ARHGAP12: variants seen among roughly 807,000 people sequenced by gnomAD.
The protein encoded by ARHGAP12 is rho GTPase-activating protein 12.
Under a neutral mutation model 108.6 loss-of-function variants are expected in ARHGAP12, and 64 were observed. That is an observed-to-expected ratio of 0.59 (90% CI 0.48 to 0.73). ARHGAP12 has a LOEUF of 0.73. Ranked by LOEUF, ARHGAP12 falls within the 30% of genes least tolerant of loss-of-function variation. ARHGAP12 has a pLI of 0.00. For synonymous variants in ARHGAP12, 312 were observed against 337.2 expected, an observed-to-expected ratio of 0.93 and a Z score of 0.82; for missense variants, 940 against 1,005.9, an observed-to-expected ratio of 0.93 and a Z score of 0.89.
intron 10 of ARHGAP12, among the ~76,000 whole-genome samples, chr10:31,829,490 TA>T (rs1019082854): frequency 6.6e-6 from 1 of 151,930 alleles, no homozygotes; most frequent in Non-Finnish European, 1.5e-5. Context: ...TTTACCACCA[TA>T]AAAAAAATTG....
chr10:31,903,566 C>T (rs922114314), intron 3 of ARHGAP12, among the ~76,000 whole-genome samples: 2 of 152,118 alleles, frequency 1.3e-5, no homozygotes, highest in East Asian at 3.9e-4. Context: ...TTGGACTTAA[C>T]ACAAAACCAT....
chr10:31,876,591 A>C (rs901317076), intron 3 of ARHGAP12, among the ~76,000 whole-genome samples: 7 of 151,628 alleles, frequency 4.6e-5, no homozygotes, highest in African/African-American at 1.7e-4. Context: ...TTTCTACTCC[A>C]CAACATCTTA....
At chr10:31,919,231 A>G (rs1391053878) in intron 1 of ARHGAP12, among the ~76,000 whole-genome samples, 1 of 152,214 alleles carries the variant, frequency 6.6e-6, no homozygotes, top group Non-Finnish European at 1.5e-5. Context: ...AAAGACAGCA[A>G]CAGGAAGTTA....
At chr10:31,913,650 C>A (rs2808077) in intron 1 of ARHGAP12, 29,244 of 136,136 alleles carry the variant, frequency 0.21, 3,309 homozygotes, top group East Asian at 0.41. Flanking sequence ...AAAAAAAACA[C>A]GAGTCATCAA....
chr10:31,889,448 GAAT>G (rs1564414132), intron 3 of ARHGAP12, among the ~76,000 whole-genome samples: 1 of 151,932 alleles, frequency 6.6e-6, no homozygotes, highest in African/African-American at 2.4e-5. Context: ...TTGCTATAAA[GAAT>G]AATACAAAGT....
chr10:31,883,500 T>C (rs1449250378), intron 3 of ARHGAP12, among the ~76,000 whole-genome samples: 1 of 152,176 alleles, frequency 6.6e-6, no homozygotes, highest in Non-Finnish European at 1.5e-5. Context: ...GAGGTATTTT[T>C]AAGCTTTCCA....
chr10:31,883,265 A>C (rs1838054326), intron 3 of ARHGAP12, among the ~76,000 whole-genome samples: 1 of 152,192 alleles, frequency 6.6e-6, no homozygotes, highest in African/African-American at 2.4e-5. Flanking sequence ...ATTGCACTCC[A>C]GCCTGGGCAA....
chr10:31,916,933 A>T (rs1382688627), intron 1 of ARHGAP12, among the ~76,000 whole-genome samples: 2 of 152,138 alleles, frequency 1.3e-5, no homozygotes, highest in African/African-American at 4.8e-5. Context: ...ATGTATCTTA[A>T]TTAGTGAGCT....
Position 31,908,480 on chromosome 10 carries a change from T to C in ARHGAP12, c.376A>G (p.Thr126Ala), listed in dbSNP as rs764083821. Residue 126 changes from threonine to alanine, a missense_variant, in exon 3 of 20, where the codon ACA (threonine) becomes GCA (alanine). Coordinates refer to ENST00000344936, the MANE Select transcript of ARHGAP12 (RefSeq NM_018287.7). ...FGKPSSSVQG[T>A]GLIRDANQNF... is the part of the protein sequence containing the mutation. ...TGATTGGCATCACGAATAAGACCTG[T>C]TCCTTGAACAGATGACGATGGCTTT... is the stretch of plus-strand genomic sequence containing the variant. 12 of 1,614,114 alleles carry C rather than the reference T, an allele frequency of 7.4e-6. No individual in the cohort carries two copies. Among genetic ancestry groups the C allele is most frequent in the Non-Finnish European group, 8.5e-6 (10 of 1,180,050 alleles).
In ARHGAP12 at chr10:31,908,571, C is replaced by A. The variant is rs1316768339; in HGVS notation, c.285G>T (p.Met95Ile). 3.7e-6 allele frequency: 6 copies of A among 1,614,216 alleles called. No homozygotes were observed. The highest frequency in any genetic ancestry group is 5.1e-6 in the Non-Finnish European group (6 of 1,180,034). Residue 95 changes from methionine to isoleucine, a missense_variant, in exon 3 of 20, where the codon ATG (methionine) becomes ATT (isoleucine). By Grantham distance (10) the Met-to-Ile change is conservative. Coordinates refer to ENST00000344936, the MANE Select transcript of ARHGAP12 (RefSeq NM_018287.7). ...TTGATCTCTGAAGATGCAAACTCTG[C>A]ATTATTTTCGTGGAGTTATTTGGCA... ...AGLPNNSTKI[M>I]QSLHLQRSTE...
At chr10:31,870,707 A>C (rs1438106447) in intron 3 of ARHGAP12, among the ~76,000 whole-genome samples, 1 of 152,324 alleles carries the variant, frequency 6.6e-6, no homozygotes, top group East Asian at 1.9e-4. Context: ...TACATGATCA[A>C]TATTACCTGA....
chr10:31,921,375 C>T (rs1839798278), intron 1 of ARHGAP12, among the ~76,000 whole-genome samples: 1 of 152,110 alleles, frequency 6.6e-6, no homozygotes, highest in Non-Finnish European at 1.5e-5. Flanking sequence ...AGTGCTCAGA[C>T]AAAACTTACA....
intron 3 of ARHGAP12, among the ~76,000 whole-genome samples, chr10:31,872,014 G>A (rs80190799): frequency 6.7e-4 from 102 of 152,134 alleles, no homozygotes; most frequent in African/African-American, 2.4e-3. Context: ...TAGTACTTAC[G>A]ACACTAAACT....
intron 3 of ARHGAP12, among the ~76,000 whole-genome samples, chr10:31,903,718 T>C (rs558784542): frequency 2.0e-5 from 3 of 151,882 alleles, no homozygotes; most frequent in African/African-American, 7.2e-5. Flanking sequence ...GGCAAATGGC[T>C]AGTATCTAAA....
chr10:31,926,181 A>G (rs1257791407), intron 1 of ARHGAP12, among the ~76,000 whole-genome samples: 1 of 152,226 alleles, frequency 6.6e-6, no homozygotes, highest in Non-Finnish European at 1.5e-5. Flanking sequence ...CTTAGAGACT[A>G]CACCATTTGG....
intron 1 of ARHGAP12, among the ~76,000 whole-genome samples, chr10:31,913,995 C>G (rs1316607709): frequency 6.6e-6 from 1 of 152,066 alleles, no homozygotes; most frequent in African/African-American, 2.4e-5. Context: ...CAGCACAAAT[C>G]AGTTACTTAT....
intron 3 of ARHGAP12, among the ~76,000 whole-genome samples, chr10:31,863,153 T>C (rs529142889): frequency 6.6e-6 from 1 of 152,344 alleles, no homozygotes; most frequent in East Asian, 1.9e-4. Context: ...CAAATTCGAC[T>C]ATTTTCCTTA....
chr10:31,882,347 C>G (rs1272333980), intron 3 of ARHGAP12, among the ~76,000 whole-genome samples: 1 of 151,764 alleles, frequency 6.6e-6, no homozygotes, highest in Non-Finnish European at 1.5e-5. Flanking sequence ...CTTTTTGTCC[C>G]CAAAAGTAAT....
chr10:31,862,043 T>G (rs1837136543), intron 3 of ARHGAP12, among the ~76,000 whole-genome samples: 2 of 152,238 alleles, frequency 1.3e-5, no homozygotes, highest in Non-Finnish European at 2.9e-5. Flanking sequence ...CCAAGGTCTT[T>G]TTTGGCTCTC....
Sources: allele counts gnomAD v4.1 joint callset (sites outside exome capture counted in the v4.1 genomes callset), GRCh38; gene constraint gnomAD v4.1.1; transcripts MANE v1.5; gene names NCBI Gene and HGNC (gene_info 2026-07-23, HGNC 2026-07-21).